HTR4: variants seen among roughly 807,000 people sequenced by gnomAD.
HTR4 encodes the protein 5-hydroxytryptamine receptor 4.
Under a neutral mutation model 36.8 loss-of-function variants are expected in HTR4, and 16 were observed. That is an observed-to-expected ratio of 0.43 (90% CI 0.29 to 0.66). The LOEUF (loss-of-function observed/expected upper bound fraction) is 0.66, where lower values mean the gene tolerates loss of function less well. Ranked by LOEUF, HTR4 falls within the 30% of genes least tolerant of loss-of-function variation. The probability of loss-of-function intolerance (pLI) is 0.13; values close to 1 mark genes in which losing one functional copy is unlikely to be tolerated. For synonymous variants in HTR4, 189 were observed against 185.1 expected, an observed-to-expected ratio of 1.02 and a Z score of -0.17; for missense variants, 438 against 490.9, an observed-to-expected ratio of 0.89 and a Z score of 1.02.
At chr5:148,520,654 G>A (rs946034790) in intron 5 of HTR4, among the ~76,000 whole-genome samples, 4 of 152,150 alleles carry the variant, frequency 2.6e-5, no homozygotes, top group Non-Finnish European at 5.9e-5. Context: ...ATGTTGTTGT[G>A]AAGCCTAAGT....
At chr5:148,562,394 C>A (rs1403363437) in intron 2 of HTR4, among the ~76,000 whole-genome samples, 1 of 152,196 alleles carries the variant, frequency 6.6e-6, no homozygotes, top group Non-Finnish European at 1.5e-5. Context: ...GGGAGTCATT[C>A]ATTCCTCTGG....
At chr5:148,578,000 A>G (rs60362824) in intron 2 of HTR4, among the ~76,000 whole-genome samples, 6,120 of 152,162 alleles carry the variant, frequency 0.04, 384 homozygotes, top group African/African-American at 0.14. Context: ...TACGTAAAAT[A>G]AAAAGGCAAG....
At chr5:148,559,442 C>A (rs894582188) in intron 2 of HTR4, among the ~76,000 whole-genome samples, 3 of 152,110 alleles carry the variant, frequency 2.0e-5, no homozygotes, top group Non-Finnish European at 4.4e-5. Flanking sequence ...TCAAATACTT[C>A]TTTATTTAAA....
Position 148,654,516 on chromosome 5 carries a change from C to G in HTR4, c.-502G>C. 1.0e-6 allele frequency: 1 copy of G among 985,012 alleles called. No homozygotes were observed. Among genetic ancestry groups the G allele is most frequent in the Non-Finnish European group, 1.2e-6 (1 of 829,502 alleles). The allele number at this position is 985,012 out of a possible 1,614,324, so 61.0% of individuals were successfully genotyped here. On this transcript the variant is annotated 5_prime_UTR_variant, in exon 1 of 7. Coordinates refer to ENST00000377888, the MANE Select transcript of HTR4 (RefSeq NM_000870.7). ...CAGCACGCGCCCTCCCTGGCCGGAG[C>G]GCTGCTCATCTGATGGAGGGCAGGA... is the stretch of plus-strand genomic sequence containing the variant.
intron 6 of HTR4, among the ~76,000 whole-genome samples, chr5:148,508,622 C>T (rs1173019150): frequency 6.6e-6 from 1 of 152,194 alleles, no homozygotes; most frequent in Non-Finnish European, 1.5e-5. Context: ...GTAAAGCCTT[C>T]CCTGAGCTTC....
At chr5:148,640,965 T>C (rs886199359) in intron 1 of HTR4, among the ~76,000 whole-genome samples, 1 of 152,198 alleles carries the variant, frequency 6.6e-6, no homozygotes, top group Admixed American at 6.5e-5. Flanking sequence ...TGAGATAGCA[T>C]GCATTTTATC....
intron 5 of HTR4, among the ~76,000 whole-genome samples, chr5:148,512,469 G>A (rs970426678): frequency 1.3e-5 from 2 of 152,102 alleles, no homozygotes; most frequent in South Asian, 4.2e-4. Context: ...TAATATAATA[G>A]TTCTTTTATA....
At chr5:148,495,300 G>C (rs1756634925) in intron 6 of HTR4, among the ~76,000 whole-genome samples, 1 of 152,128 alleles carries the variant, frequency 6.6e-6, no homozygotes, top group Non-Finnish European at 1.5e-5. Flanking sequence ...TAGGAGGATG[G>C]GGATTATCTA....
At chr5:148,636,347 C>G (rs1054008764) in intron 2 of HTR4, among the ~76,000 whole-genome samples, 1 of 152,168 alleles carries the variant, frequency 6.6e-6, no homozygotes, top group Non-Finnish European at 1.5e-5. Flanking sequence ...GGATAATTCT[C>G]AGCCTCAAAT....
chr5:148,618,452 C>G (rs949924799), intron 2 of HTR4, among the ~76,000 whole-genome samples: 3 of 152,198 alleles, frequency 2.0e-5, no homozygotes, highest in African/African-American at 7.2e-5. Flanking sequence ...ATTGGGCTTA[C>G]TCAACAGGAT....
chr5:148,610,728 T>C (rs1282033580), intron 2 of HTR4, among the ~76,000 whole-genome samples: 15 of 150,396 alleles, frequency 1.0e-4, no homozygotes, highest in Non-Finnish European at 1.6e-4. Flanking sequence ...CAAATTACTC[T>C]GAGCTACGGG....
chr5:148,549,575 G>A (rs1040234666), intron 3 of HTR4, among the ~76,000 whole-genome samples: 3 of 152,092 alleles, frequency 2.0e-5, no homozygotes, highest in Non-Finnish European at 4.4e-5. Flanking sequence ...GGGAGTTAAC[G>A]CCTCTCCCCT....
chr5:148,486,929 C>T (rs562070560), intron 6 of HTR4, among the ~76,000 whole-genome samples: 1 of 152,272 alleles, frequency 6.6e-6, no homozygotes, highest in Non-Finnish European at 1.5e-5. Context: ...ACTGTCTCTC[C>T]TCAAACATAT....
At chr5:148,568,100 A>C (rs1398221912) in intron 2 of HTR4, among the ~76,000 whole-genome samples, 2 of 152,158 alleles carry the variant, frequency 1.3e-5, no homozygotes, top group African/African-American at 4.8e-5. Context: ...TCAATCTTCT[A>C]CTGCAAATGA....
chr5:148,613,613 AC>A (rs1344861597), intron 2 of HTR4, among the ~76,000 whole-genome samples: 1 of 150,378 alleles, frequency 6.6e-6, no homozygotes, highest in African/African-American at 2.4e-5. Flanking sequence ...CCCTTTGAAA[AC>A]TGGCACAAGA....
chr5:148,611,933 G>C (rs992139083), intron 2 of HTR4, among the ~76,000 whole-genome samples: 8 of 152,004 alleles, frequency 5.3e-5, no homozygotes, highest in African/African-American at 1.7e-4. Context: ...GACAAAGAAG[G>C]CCATTACATA....
Position 148,584,110 on chromosome 5 carries a change from C to A in HTR4, c.27-33848G>T, listed in dbSNP as rs141696646. On this transcript the variant is annotated intron_variant, in intron 2 of 6. Coordinates refer to ENST00000377888, the MANE Select transcript of HTR4 (RefSeq NM_000870.7). ...AAAGCTCTCTCAATTCTTATAACAG[C>A]ATATAAAACATTTCATGCTCATTAA... Among the ~76,000 whole-genome samples, 26 of 152,304 alleles carry A rather than the reference C, an allele frequency of 1.7e-4. 1 individual carries two copies. The East Asian group carries it at 5.0e-3, about 29-fold the overall frequency.
chr5:148,455,823 G>T (rs1755089183), intron 5 of HTR4, among the ~76,000 whole-genome samples: 1 of 152,210 alleles, frequency 6.6e-6, no homozygotes, highest in South Asian at 2.1e-4. Context: ...ATGTTATTAA[G>T]AAAATCATAA....
chr5:148,479,293 T>C (rs1383802041), downstream of HTR4, among the ~76,000 whole-genome samples: 1 of 152,036 alleles, frequency 6.6e-6, no homozygotes, highest in Non-Finnish European at 1.5e-5. Flanking sequence ...AACCTGGTAC[T>C]GGAGTCAGAA....
Sources: gnomAD v4.1 joint callset for allele counts (sites outside exome capture counted in the v4.1 genomes callset) on GRCh38, gnomAD v4.1.1 for gene constraint, MANE v1.5 for transcripts, NCBI Gene and HGNC (gene_info 2026-07-23, HGNC 2026-07-21) for gene names.